Variants in EYS observed in about 807,000 individuals in gnomAD.
EYS encodes protein eyes shut homolog.
A neutral mutation model predicts 282.1 loss-of-function variants in EYS; 250 were observed. The observed-to-expected ratio is 0.89, with a 90% CI of 0.80 to 0.98. The LOEUF is 0.98. Ranked by LOEUF, EYS falls within the 50% of genes least tolerant of loss-of-function variation. EYS has a pLI of 0.00. For missense variants in EYS, 4,016 were observed against 3,709.0 expected, an observed-to-expected ratio of 1.08 and a Z score of -2.15; for synonymous variants, 1,355 against 1,282.9, an observed-to-expected ratio of 1.06 and a Z score of -1.20.
At chr6:65,636,127 G>C (rs539750541) in intron 2 of EYS, among the ~76,000 whole-genome samples, 1 of 152,108 alleles carries the variant, frequency 6.6e-6, no homozygotes, top group Non-Finnish European at 1.5e-5. Flanking sequence ...TGTCTTATTT[G>C]GCCTATTCTC....
intron 1 of EYS, among the ~76,000 whole-genome samples, chr6:65,657,688 T>C (rs903841042): frequency 2.6e-5 from 4 of 151,822 alleles, no homozygotes; most frequent in Non-Finnish European, 2.9e-5. Context: ...AGCGTTGAAA[T>C]AACAGGGATT....
intron 13 of EYS, among the ~76,000 whole-genome samples, chr6:65,017,813 A>T (rs1772102754): frequency 6.6e-6 from 1 of 152,224 alleles, no homozygotes. Flanking sequence ...TATTTGTAAT[A>T]GGTAATGTTA....
chr6:65,667,588 T>A (rs1006120180), intron 1 of EYS, among the ~76,000 whole-genome samples: 2 of 151,854 alleles, frequency 1.3e-5, no homozygotes, highest in African/African-American at 4.8e-5. Context: ...TAAATTCCAT[T>A]CTTATCACGA....
intron 5 of EYS, among the ~76,000 whole-genome samples, chr6:65,421,815 G>C (rs1017394177): frequency 6.6e-6 from 1 of 151,744 alleles, no homozygotes; most frequent in African/African-American, 2.4e-5. Flanking sequence ...AAAGCAGAAC[G>C]GTCAGTTGGA....
chr6:63,907,614 T>C (rs1301777174), intron 35 of EYS, among the ~76,000 whole-genome samples: 1 of 152,178 alleles, frequency 6.6e-6, no homozygotes, highest in Admixed American at 6.5e-5. Context: ...AATATATAAG[T>C]ACCAAGGCAT....
intron 5 of EYS, among the ~76,000 whole-genome samples, chr6:65,431,130 C>T (rs17254301): frequency 0.13 from 19,795 of 152,200 alleles, 1,671 homozygotes; most frequent in South Asian, 0.2. Flanking sequence ...TACCACCACT[C>T]CAGATTGTGG....
At chr6:64,583,806 A>AT (rs1766148214) in intron 26 of EYS, among the ~76,000 whole-genome samples, 1 of 152,038 alleles carries the variant, frequency 6.6e-6, no homozygotes, top group Admixed American at 6.6e-5. Flanking sequence ...AAAAAAAAAA[A>AT]TGTGATTAAT....
chr6:63,758,368 C>T (rs1235439303), intron 41 of EYS, among the ~76,000 whole-genome samples: 1 of 152,008 alleles, frequency 6.6e-6, no homozygotes, highest in Non-Finnish European at 1.5e-5. Context: ...TATATTAAAG[C>T]TAACCCATAT....
intron 35 of EYS, among the ~76,000 whole-genome samples, chr6:63,942,701 A>T (rs540084898): frequency 1.7e-4 from 26 of 152,302 alleles, no homozygotes; most frequent in Admixed American, 1.2e-3. Flanking sequence ...CCATATAGAA[A>T]CATTTTTAGA....
chr6:64,978,527 T>C (rs1268966992), intron 14 of EYS, among the ~76,000 whole-genome samples: 2 of 151,954 alleles, frequency 1.3e-5, no homozygotes, highest in Admixed American at 1.3e-4. Context: ...ATCCATTCTG[T>C]AGCCCATGAA....
intron 26 of EYS, among the ~76,000 whole-genome samples, chr6:64,463,433 A>T (rs1012164211): frequency 6.6e-6 from 1 of 152,218 alleles, no homozygotes; most frequent in African/African-American, 2.4e-5. Flanking sequence ...TTTTCATCTA[A>T]ATATACAAAT....
Position 64,128,506 on chromosome 6 carries a change from G to C in EYS, c.6425-46504C>G, listed in dbSNP as rs1174821441. On this transcript the variant is annotated intron_variant, in intron 31 of 42. Coordinates refer to ENST00000503581, the MANE Select transcript of EYS (RefSeq NM_001142800.2). ...AACATACATATTCAACAAAAATGAG[G>C]CCATGTTTATCTCTAATCCCTAGGC... 2.0e-5 allele frequency among the ~76,000 whole-genome samples: 3 copies of C among 152,116 alleles called. No individual in the cohort carries two copies. The South Asian group carries it at 6.2e-4, about 32-fold the overall frequency.
At chr6:64,918,855 C>T (rs79480796) in intron 15 of EYS, among the ~76,000 whole-genome samples, 1 of 152,086 alleles carries the variant, frequency 6.6e-6, no homozygotes, top group African/African-American at 2.4e-5. Flanking sequence ...AGATGCTGTC[C>T]TGCATGTATT....
Position 65,335,023 on chromosome 6 carries a change from A to C in EYS, c.1723T>G (p.Cys575Gly). 1 of 1,610,986 alleles carries C rather than the reference A, an allele frequency of 6.2e-7. No individual in the cohort carries two copies. The highest frequency in any genetic ancestry group is 1.3e-5 in the African/African-American group (1 of 74,838). The change falls in exon 11 of 43, where the codon TGT becomes GGT. Residue 575 changes from cysteine to glycine, a missense_variant. By Grantham distance (159) the Cys-to-Gly change is radical. Transcript: ENST00000503581. Reference protein sequence around the residue: ...ENTTDDQENECQHEAVCKDEI... With the variant: ...ENTTDDQENEGQHEAVCKDEI... ...TCTTTACAAACAGCTTCATGTTGAC[A>C]CTCATTTTCTTGATCATCAGTTGTA...
At chr6:63,937,340 CTTTTCTTTTTTTTTTTTTT>C (rs1765090137) in intron 35 of EYS, among the ~76,000 whole-genome samples, 3 of 46,090 alleles carry the variant, frequency 6.5e-5, no homozygotes, top group Middle Eastern at 0.017. Context: ...AGGCTTCTCT[CTTTTCTTTTTTTTTTTTTT>C]TTTTTTTTTT....
intron 31 of EYS, among the ~76,000 whole-genome samples, chr6:64,083,872 G>C (rs1471261608): frequency 6.6e-6 from 1 of 152,066 alleles, no homozygotes; most frequent in African/African-American, 2.4e-5. Context: ...TGAGTAGCTG[G>C]GATTACAGTC....
chr6:64,903,741 A>C (rs1767738084), intron 16 of EYS, among the ~76,000 whole-genome samples: 1 of 152,048 alleles, frequency 6.6e-6, no homozygotes, highest in Non-Finnish European at 1.5e-5. Flanking sequence ...GAATTGACTG[A>C]CCTATTTCAT....
chr6:64,955,087 G>C (rs559224045), intron 14 of EYS, among the ~76,000 whole-genome samples: 4 of 152,124 alleles, frequency 2.6e-5, no homozygotes, highest in Non-Finnish European at 4.4e-5. Flanking sequence ...TGCTGAGGCA[G>C]GAGAAACACT....
chr6:64,675,428 C>CTTTTTTTTTTTTTTTTTTTTTTTT (rs56346431), intron 22 of EYS, among the ~76,000 whole-genome samples: 2 of 114,626 alleles, frequency 1.7e-5, no homozygotes, highest in African/African-American at 3.4e-5. Flanking sequence ...CTTTTTTTTT[C>CTTTTTTTTTTTTTTTTTTTTTTTT]TTTTTTTTTT....
Sources: allele counts gnomAD v4.1 joint callset (sites outside exome capture counted in the v4.1 genomes callset), GRCh38; gene constraint gnomAD v4.1.1; transcripts MANE v1.5; gene names NCBI Gene and HGNC (gene_info 2026-07-23, HGNC 2026-07-21).